Variants in GGTA1 observed in about 807,000 individuals in gnomAD.
GGTA1 encodes glycoprotein alpha-galactosyltransferase 1 (inactive).
In GGTA1, 5 loss-of-function variants were observed where a neutral mutation model predicts 2.6. The observed-to-expected ratio is 1.92, with a 90% CI of 1.00 to 4.04. The LOEUF is 4.04. Ranked by LOEUF, GGTA1 falls within the 30% of genes most tolerant of loss-of-function variation. The probability of loss-of-function intolerance (pLI) is 0.00; values close to 1 mark genes in which losing one functional copy is unlikely to be tolerated. For missense variants in GGTA1, 50 were observed against 16.7 expected, an observed-to-expected ratio of 2.99 and a Z score of -3.47; for synonymous variants, 17 against 5.0, an observed-to-expected ratio of 3.38 and a Z score of -3.19.
At chr9:121,461,441 A>G (rs971947887) in intron 3 of GGTA1, 124 bp from the exon 4 acceptor site, 2 of 376,240 alleles carry the variant, frequency 5.3e-6, no homozygotes, top group Non-Finnish European at 1.0e-5. Context: ...ATGCCAATTT[A>G]TAAAACAGAC....
intron 3 of GGTA1, among the ~76,000 whole-genome samples, chr9:121,462,353 G>GA (rs2064967234): frequency 6.6e-6 from 1 of 151,944 alleles, no homozygotes; most frequent in African/African-American, 2.4e-5. Context: ...AAAAAGAAAA[G>GA]AAAGAAAAGA....
At chr9:121,451,149 A>G (rs1425792686), downstream of GGTA1, among the ~76,000 whole-genome samples, 2 of 152,158 alleles carry the variant, frequency 1.3e-5, no homozygotes, top group Non-Finnish European at 2.9e-5. Context: ...AAAAAGCAAA[A>G]TGGATTATCT....
At chr9:121,492,531 T>C in intron 1 of GGTA1, among the ~76,000 whole-genome samples, 1 of 152,126 alleles carries the variant, frequency 6.6e-6, no homozygotes, top group Admixed American at 6.6e-5. Flanking sequence ...TGGAGTGCAA[T>C]GGCACGATCT....
chr9:121,486,003 C>T (rs552802555), intron 1 of GGTA1, among the ~76,000 whole-genome samples: 6 of 152,326 alleles, frequency 3.9e-5, no homozygotes, highest in Admixed American at 2.0e-4. Flanking sequence ...TTCTTGCATT[C>T]TCTAGGCCTC....
intron 1 of GGTA1, among the ~76,000 whole-genome samples, chr9:121,484,496 C>T (rs536966746): frequency 1.3e-5 from 2 of 152,232 alleles, no homozygotes; most frequent in East Asian, 3.9e-4. Flanking sequence ...GTTGGTCAGG[C>T]TGGTCTCGAA....
intron 1 of GGTA1, chr9:121,494,385 G>A (rs566792122): frequency 1.3e-5 from 2 of 152,376 alleles, no homozygotes; most frequent in South Asian, 2.1e-4. Flanking sequence ...CTGATTGCAC[G>A]TGACAGAGGT....
intron 1 of GGTA1, among the ~76,000 whole-genome samples, chr9:121,498,103 T>C (rs73661738): frequency 9.9e-5 from 15 of 152,058 alleles, no homozygotes; most frequent in Non-Finnish European, 4.4e-5. Flanking sequence ...TCCCAATACA[T>C]AGAGGAGATA....
chr9:121,480,708 G>A (rs980813777), intron 1 of GGTA1, among the ~76,000 whole-genome samples: 1 of 152,108 alleles, frequency 6.6e-6, no homozygotes, highest in African/African-American at 2.4e-5. Context: ...CAACCTTTAG[G>A]GTCCAGAAGT....
intron 1 of GGTA1, among the ~76,000 whole-genome samples, chr9:121,495,610 A>G (rs916853315): frequency 5.3e-5 from 8 of 152,194 alleles, no homozygotes; most frequent in Non-Finnish European, 1.2e-4. Context: ...CCTATCAGCA[A>G]TCTAGCTTGC....
At chr9:121,472,383 G>T (rs1192024764) in intron 1 of GGTA1, among the ~76,000 whole-genome samples, 1 of 152,042 alleles carries the variant, frequency 6.6e-6, no homozygotes, top group East Asian at 1.9e-4. Context: ...TTAGCACTGT[G>T]CCTGGCATCG....
chr9:121,479,099 G>A (rs2118728528), intron 1 of GGTA1: 1 of 456,388 alleles, frequency 2.2e-6, no homozygotes, highest in Non-Finnish European at 4.4e-6. Context: ...CTTCTTCCAG[G>A]TCCACTGCTG....
At chr9:121,495,511 C>A (rs1256841158) in intron 1 of GGTA1, among the ~76,000 whole-genome samples, 2 of 152,082 alleles carry the variant, frequency 1.3e-5, no homozygotes, top group African/African-American at 4.8e-5. Flanking sequence ...CATGCCACTG[C>A]ACTCCAGCCT....
At chr9:121,482,109 T>A (rs951425825) in intron 1 of GGTA1, among the ~76,000 whole-genome samples, 1 of 151,992 alleles carries the variant, frequency 6.6e-6, no homozygotes, top group Non-Finnish European at 1.5e-5. Context: ...GGATGGGCCC[T>A]GCCTCCCCAA....
intron 7 of GGTA1, among the ~76,000 whole-genome samples, chr9:121,449,132 AT>A (rs1002785297): frequency 4.6e-5 from 7 of 152,236 alleles, no homozygotes; most frequent in African/African-American, 1.7e-4. Flanking sequence ...TAGCTCATTT[AT>A]TTTTAGCATG....
At chr9:121,488,065 C>T (rs562322966) in intron 1 of GGTA1, among the ~76,000 whole-genome samples, 65 of 152,138 alleles carry the variant, frequency 4.3e-4, no homozygotes, top group Non-Finnish European at 8.2e-4. Flanking sequence ...TTTACAGATG[C>T]AGAAACAGGC....
At chr9:121,473,663 T>C (rs1324886111) in intron 1 of GGTA1, among the ~76,000 whole-genome samples, 1 of 151,952 alleles carries the variant, frequency 6.6e-6, no homozygotes, top group African/African-American at 2.4e-5. Context: ...CAGTAGCTCA[T>C]GCTTGTAATC....
intron 2 of GGTA1, among the ~76,000 whole-genome samples, chr9:121,464,367 C>G (rs867093575): frequency 1.8e-5 from 2 of 114,050 alleles, no homozygotes; most frequent in Admixed American, 1.3e-4. Context: ...TGCTCTGTTG[C>G]CCAGGCTAAA....
At position 121,463,347 on chromosome 9, in the gene GGTA1, TA is replaced by T; in HGVS notation, c.81-20del. 4.4e-6 allele frequency: 2 copies of T among 453,502 alleles called. No homozygotes were observed. The highest frequency in any genetic ancestry group is 3.1e-5 in the South Asian group (2 of 63,922). 28.1% of individuals were successfully genotyped at this position (453,502 alleles called of 1,614,324 possible). On this transcript the variant is annotated intron_variant, in intron 2 of 5. Transcript: ENST00000481799. ...TTCTGTGCTAAAAGCAAAAAAGAAATAAAAACATATCATGTTACTTTTAATT... is the reference window on the plus strand; with the variant it reads ...TTCTGTGCTAAAAGCAAAAAAGAAATAAAACATATCATGTTACTTTTAATT...
Position 121,476,287 on chromosome 9 carries a change from G to A in GGTA1, c.-9-8356C>T, listed in dbSNP as rs1041209456. ...GAACACGGCTCTGACCAGACCAGCT[G>A]CACCTCCATTTGCACCCCACCCCAC... On this transcript the variant is annotated intron_variant, in intron 1 of 5. Coordinates refer to ENST00000481799, the MANE Select transcript of GGTA1 (RefSeq NM_001382585.1). The surrounding 1 kb of genome is among the most constrained non-coding windows in gnomAD (Gnocchi z 4.6). Among the ~76,000 whole-genome samples the A allele has an allele frequency of 6.6e-6, 1 of 152,104 alleles. No homozygotes were observed. Among genetic ancestry groups the A allele is most frequent in the African/African-American group, 2.4e-5 (1 of 41,434 alleles).
Sources: allele counts gnomAD v4.1 joint callset (sites outside exome capture counted in the v4.1 genomes callset), GRCh38; gene constraint gnomAD v4.1.1; non-coding constraint Gnocchi (gnomAD v3.1); transcripts MANE v1.5; gene names NCBI Gene and HGNC (gene_info 2026-07-23, HGNC 2026-07-21).